Variants in EPHA6 observed in about 807,000 individuals in gnomAD.
EPHA6 encodes the protein EPH receptor A6.
In EPHA6, 50 loss-of-function variants were observed where a neutral mutation model predicts 112.0. The ratio of observed to expected loss-of-function variants is 0.45; its 90% CI spans 0.36 to 0.56. The LOEUF is 0.56. Among genes scored for constraint, EPHA6 ranks in the 20% least tolerant of loss-of-function variants. The pLI is 0.00. For missense variants in EPHA6, 1,280 were observed against 1,417.4 expected (o/e 0.90, Z 1.56); for synonymous variants, 529 against 490.7 (o/e 1.08, Z -1.03).
intron 11 of EPHA6, among the ~76,000 whole-genome samples, chr3:97,556,189 G>C (rs1195025425): frequency 1.3e-5 from 2 of 151,976 alleles, no homozygotes; most frequent in East Asian, 3.9e-4. Flanking sequence ...AGAGGATTTT[G>C]TCCAAGTTTT....
At chr3:97,732,307 G>A (rs186249136) in intron 15 of EPHA6, among the ~76,000 whole-genome samples, 2 of 150,996 alleles carry the variant, frequency 1.3e-5, no homozygotes, top group African/African-American at 4.9e-5. Context: ...TAACCCTTAA[G>A]GTTCAGTCAC....
intron 3 of EPHA6, among the ~76,000 whole-genome samples, chr3:97,110,551 G>A (rs1243354143): frequency 2.0e-5 from 3 of 152,014 alleles, no homozygotes; most frequent in Admixed American, 2.0e-4. Context: ...TAGAGACAGA[G>A]TCTCACTCTG....
At chr3:97,669,207 C>A (rs1255698891) in intron 14 of EPHA6, among the ~76,000 whole-genome samples, 1 of 151,686 alleles carries the variant, frequency 6.6e-6, no homozygotes, top group Non-Finnish European at 1.5e-5. Flanking sequence ...ATACTAAGAT[C>A]TTTCATATGT....
chr3:97,179,048 G>C (rs1282762225), intron 3 of EPHA6, among the ~76,000 whole-genome samples: 1 of 151,872 alleles, frequency 6.6e-6, no homozygotes, highest in Non-Finnish European at 1.5e-5. Flanking sequence ...GGTCTTCATG[G>C]TTTGTTATTC....
intron 2 of EPHA6, among the ~76,000 whole-genome samples, chr3:96,869,999 C>G (rs2036546574): frequency 6.6e-6 from 1 of 152,006 alleles, no homozygotes; most frequent in South Asian, 2.1e-4. Context: ...CAATATAGTA[C>G]AAGATATGTG....
At chr3:97,075,852 G>C (rs2046507242) in intron 3 of EPHA6, among the ~76,000 whole-genome samples, 1 of 151,958 alleles carries the variant, frequency 6.6e-6, no homozygotes, top group African/African-American at 2.4e-5. Context: ...TAGGTGATCT[G>C]TGATCAGTGA....
intron 16 of EPHA6, among the ~76,000 whole-genome samples, chr3:97,741,582 C>T (rs187090666): frequency 3.7e-4 from 57 of 152,124 alleles, no homozygotes; most frequent in African/African-American, 1.3e-3. Flanking sequence ...ATCCCTTAGA[C>T]ACGGAAACAG....
intron 3 of EPHA6, among the ~76,000 whole-genome samples, chr3:97,061,510 T>A (rs1317150966): frequency 6.6e-6 from 1 of 152,184 alleles, no homozygotes; most frequent in Non-Finnish European, 1.5e-5. Context: ...CTGTATTTCT[T>A]CAATAATTAT....
At chr3:97,257,454 A>T (rs1256570983) in intron 5 of EPHA6, among the ~76,000 whole-genome samples, 2 of 152,054 alleles carry the variant, frequency 1.3e-5, no homozygotes, top group Non-Finnish European at 2.9e-5. Context: ...TCTTGCTGCA[A>T]ATCAGAGAAA....
chr3:97,332,311 G>A (rs1273608181), intron 5 of EPHA6, among the ~76,000 whole-genome samples: 1 of 151,854 alleles, frequency 6.6e-6, no homozygotes. Context: ...ATACTGAATG[G>A]GCAAAAACTG....
intron 14 of EPHA6, among the ~76,000 whole-genome samples, chr3:97,688,004 G>A (rs1447111764): frequency 2.6e-5 from 4 of 152,166 alleles, no homozygotes; most frequent in Non-Finnish European, 5.9e-5. Context: ...GGCCAACCAA[G>A]TCTCCTGCCA....
chr3:97,355,247 A>G (rs2084011317), intron 5 of EPHA6, among the ~76,000 whole-genome samples: 1 of 152,204 alleles, frequency 6.6e-6, no homozygotes. Context: ...TGTGTAAACT[A>G]CTAATATCTC....
At chr3:97,213,251 A>G (rs1195561337) in intron 3 of EPHA6, among the ~76,000 whole-genome samples, 1 of 152,156 alleles carries the variant, frequency 6.6e-6, no homozygotes, top group African/African-American at 2.4e-5. Context: ...CTGCAACTAC[A>G]TTCACTTCCA....
At chr3:97,508,088 T>C (rs1221059088) in intron 10 of EPHA6, among the ~76,000 whole-genome samples, 2 of 152,222 alleles carry the variant, frequency 1.3e-5, no homozygotes, top group African/African-American at 4.8e-5. Context: ...TCTATCTATT[T>C]TGTTAATCAT....
At chr3:97,455,664 A>G (rs1361730567) in intron 7 of EPHA6, among the ~76,000 whole-genome samples, 1 of 152,002 alleles carries the variant, frequency 6.6e-6, no homozygotes, top group African/African-American at 2.4e-5. Flanking sequence ...CAGTGCATCA[A>G]GTTCACAGAG....
At chr3:97,607,539 C>A (rs909123333) in intron 12 of EPHA6, among the ~76,000 whole-genome samples, 1 of 151,272 alleles carries the variant, frequency 6.6e-6, no homozygotes, top group African/African-American at 2.4e-5. Flanking sequence ...TATTCATAAG[C>A]ATTTCTGGGA....
rs2078353364 is a variant in EPHA6 at position 97,226,259 on chromosome 3, T to A, written c.1115-5T>A. ...CTAAAAAAGTGTTTTTTTCTCTTTTTACAGCTTGCAGACCAGGATTCTATA... is the reference window on the plus strand; with the variant it reads ...CTAAAAAAGTGTTTTTTTCTCTTTTAACAGCTTGCAGACCAGGATTCTATA... On this transcript the variant is annotated splice_region_variant and splice_polypyrimidine_tract_variant and intron_variant, in intron 3 of 17. Transcript: ENST00000389672. The A allele has an allele frequency of 6.3e-7, 1 of 1,590,554 alleles. No individual in the cohort carries two copies. The highest frequency in any genetic ancestry group is 8.5e-7 in the Non-Finnish European group (1 of 1,171,014).
At chr3:97,530,202 A>T (rs2092680086) in intron 10 of EPHA6, among the ~76,000 whole-genome samples, 1 of 152,048 alleles carries the variant, frequency 6.6e-6, no homozygotes, top group Admixed American at 6.6e-5. Context: ...TGTATTGGAC[A>T]TTAGTGTAAA....
intron 5 of EPHA6, among the ~76,000 whole-genome samples, chr3:97,378,727 G>C (rs1211448327): frequency 6.6e-6 from 1 of 152,186 alleles, no homozygotes; most frequent in Non-Finnish European, 1.5e-5. Flanking sequence ...TTGGATTTCA[G>C]ACTTTCATGG....
Sources: allele counts gnomAD v4.1 joint callset (sites outside exome capture counted in the v4.1 genomes callset), GRCh38; gene constraint gnomAD v4.1.1; transcripts MANE v1.5; gene names NCBI Gene and HGNC (gene_info 2026-07-23, HGNC 2026-07-21).